The following HACD2 variants were observed in gnomAD, a reference collection of about 807,000 sequenced individuals.
HACD2 encodes the protein very-long-chain (3R)-3-hydroxyacyl-CoA dehydratase 2.
HACD2 carries 15 observed loss-of-function variants against 31.0 expected under a neutral mutation model. The ratio of observed to expected loss-of-function variants is 0.48; its 90% CI spans 0.32 to 0.75. The LOEUF (loss-of-function observed/expected upper bound fraction) is 0.75. Among genes scored for constraint, HACD2 ranks in the 30% least tolerant of loss-of-function variants. The pLI, the probability that HACD2 is intolerant of heterozygous loss-of-function variation, is 0.03. For missense variants in HACD2, 283 were observed against 313.0 expected, an observed-to-expected ratio of 0.90 and a Z score of 0.72; for synonymous variants, 115 against 122.2, an observed-to-expected ratio of 0.94 and a Z score of 0.39.
chr3:123,555,578 CA>C (rs1365800804), intron 3 of HACD2, among the ~76,000 whole-genome samples: 1 of 151,994 alleles, frequency 6.6e-6, no homozygotes, highest in African/African-American at 2.4e-5. Context: ...TAAAAGAAAT[CA>C]AAGATCTAAA....
At chr3:123,498,817 A>G (rs1199334565) in intron 6 of HACD2, among the ~76,000 whole-genome samples, 1 of 152,156 alleles carries the variant, frequency 6.6e-6, no homozygotes, top group African/African-American at 2.4e-5. Flanking sequence ...GGTTTCCCTC[A>G]GGAACGCTAT....
chr3:123,530,862 T>TTTG (rs201195496), intron 3 of HACD2, among the ~76,000 whole-genome samples: 83 of 151,932 alleles, frequency 5.5e-4, no homozygotes, highest in African/African-American at 1.6e-3. Context: ...AAAGTAACTT[T>TTTG]TTGTTGTTGT....
chr3:123,580,584 G>A (rs964944545), intron 2 of HACD2, among the ~76,000 whole-genome samples: 1 of 151,630 alleles, frequency 6.6e-6, no homozygotes, highest in Non-Finnish European at 1.5e-5. Context: ...AGGAGTTTGA[G>A]ACCAGCCTGG....
chr3:123,507,238 A>G (rs1009865515), intron 4 of HACD2, among the ~76,000 whole-genome samples: 5 of 152,204 alleles, frequency 3.3e-5, no homozygotes, highest in African/African-American at 4.8e-5. Flanking sequence ...CTGGGTGACG[A>G]GCAAGACCCT....
intron 4 of HACD2, among the ~76,000 whole-genome samples, chr3:123,526,533 CT>C (rs368974799): frequency 8.9e-4 from 127 of 142,244 alleles, no homozygotes; most frequent in Admixed American, 2.1e-3. Context: ...TTTTCTTTTC[CT>C]TTTTTTTTTT....
chr3:123,509,644 G>A (rs1209336325), intron 4 of HACD2, among the ~76,000 whole-genome samples: 3 of 151,786 alleles, frequency 2.0e-5, no homozygotes, highest in Admixed American at 1.3e-4. Flanking sequence ...GACTACAGGT[G>A]CCTGCCACCA....
At chr3:123,514,050 G>A (rs1209708197) in intron 4 of HACD2, among the ~76,000 whole-genome samples, 4 of 152,188 alleles carry the variant, frequency 2.6e-5, no homozygotes, top group Non-Finnish European at 4.4e-5. Flanking sequence ...TGAGGCGGGC[G>A]GATTGCTTGA....
intron 3 of HACD2, among the ~76,000 whole-genome samples, chr3:123,539,465 G>A (rs1316717775): frequency 6.6e-6 from 1 of 151,946 alleles, no homozygotes; most frequent in Non-Finnish European, 1.5e-5. Flanking sequence ...AGCTACTCGG[G>A]AGGCTGAGGC....
rs1237472074 is a variant in HACD2 at position 123,502,691 on chromosome 3, G to T, written c.382-10C>A. On this transcript the variant is annotated splice_polypyrimidine_tract_variant and intron_variant, in intron 4 of 6. Coordinates refer to ENST00000383657, the MANE Select transcript of HACD2 (RefSeq NM_198402.5). ...TGTCTTCACTCTGTACCTGAAGGAA[G>T]AGGAAAACAAAAGAAAAAAAACACA... The T allele has an allele frequency of 6.3e-7, 1 of 1,590,526 alleles. No homozygotes were observed. The highest frequency in any genetic ancestry group is 1.8e-5 in the Admixed American group (1 of 55,992).
intron 3 of HACD2, among the ~76,000 whole-genome samples, chr3:123,553,492 T>G (rs1410647219): frequency 1.3e-5 from 2 of 152,256 alleles, no homozygotes; most frequent in East Asian, 3.9e-4. Flanking sequence ...ACAGGCATTC[T>G]GCCATGGGCC....
intron 6 of HACD2, 34 bp downstream of exon 6, chr3:123,500,481 A>T (rs748777330): frequency 3.8e-5 from 55 of 1,430,448 alleles, no homozygotes; most frequent in Non-Finnish European, 5.3e-5. Context: ...AAATTTTAAA[A>T]CATAATTAAA....
intron 3 of HACD2, among the ~76,000 whole-genome samples, chr3:123,529,284 T>C (rs1454394428): frequency 6.6e-6 from 1 of 152,136 alleles, no homozygotes; most frequent in Non-Finnish European, 1.5e-5. Flanking sequence ...GTACTTTTGG[T>C]AGAGATAGGG....
At chr3:123,508,187 C>A (rs1262872660) in intron 4 of HACD2, among the ~76,000 whole-genome samples, 3 of 152,158 alleles carry the variant, frequency 2.0e-5, no homozygotes, top group Non-Finnish European at 4.4e-5. Context: ...TTCAAAGTTG[C>A]ATATTCAGAA....
chr3:123,524,573 A>G (rs1193836425), intron 4 of HACD2, among the ~76,000 whole-genome samples: 1 of 152,204 alleles, frequency 6.6e-6, no homozygotes, highest in Non-Finnish European at 1.5e-5. Context: ...TTGAGGAGGA[A>G]AAGCACCTAT....
In HACD2 at chr3:123,585,046, G is replaced by C. The variant is rs747917465; in HGVS notation, c.-19C>G. 4.3e-6 allele frequency: 6 copies of C among 1,384,276 alleles called. No individual in the cohort carries two copies. The African/African-American group carries it at 6.0e-5, about 14-fold the overall frequency. 85.7% of individuals were successfully genotyped at this position (1,384,276 alleles called of 1,614,324 possible). A position where few individuals can be genotyped will look rare whatever the true frequency, so the allele number is the denominator to read the frequency against. On this transcript the variant is annotated 5_prime_UTR_variant, in exon 1 of 7. Transcript: ENST00000383657. ...CCGCCATGTCAAGTGCCCGAAGCCC[G>C]CTCTCCTAGCGCGAGCGGCTCGGGC...
chr3:123,513,997 G>A (rs2056100112), intron 4 of HACD2, among the ~76,000 whole-genome samples: 1 of 152,160 alleles, frequency 6.6e-6, no homozygotes, highest in Non-Finnish European at 1.5e-5. Flanking sequence ...AAGAGAGGCT[G>A]AATATGGTGG....
At chr3:123,561,998 G>C (rs2056734825) in intron 3 of HACD2, among the ~76,000 whole-genome samples, 1 of 152,148 alleles carries the variant, frequency 6.6e-6, no homozygotes, top group South Asian at 2.1e-4. Context: ...TTTTTGTAGA[G>C]ACAGGGTTTC....
At chr3:123,496,250 T>C (rs1002928128) in intron 6 of HACD2, among the ~76,000 whole-genome samples, 1 of 152,198 alleles carries the variant, frequency 6.6e-6, no homozygotes, top group Non-Finnish European at 1.5e-5. Flanking sequence ...CTGGAACCCC[T>C]GGGGTCAAGG....
At chr3:123,562,260 T>C (rs1166052983) in intron 3 of HACD2, among the ~76,000 whole-genome samples, 2 of 152,198 alleles carry the variant, frequency 1.3e-5, no homozygotes, top group Admixed American at 6.5e-5. Flanking sequence ...TTTGAAAAAG[T>C]TGAGGTGTGG....
Sources: allele counts gnomAD v4.1 joint callset (sites outside exome capture counted in the v4.1 genomes callset), GRCh38; gene constraint gnomAD v4.1.1; transcripts MANE v1.5; gene names NCBI Gene and HGNC (gene_info 2026-07-23, HGNC 2026-07-21).